NECAB1: variants seen among roughly 807,000 people sequenced by gnomAD.
NECAB1 encodes N-terminal EF-hand calcium binding protein 1, also known as N-terminal EF-hand calcium-binding protein 1.
In NECAB1, 29 loss-of-function variants were observed where a neutral mutation model predicts 57.5. The ratio of observed to expected loss-of-function variants is 0.50; its 90% CI spans 0.38 to 0.69. NECAB1 has a LOEUF of 0.69. Ranked by LOEUF, NECAB1 falls within the 30% of genes least tolerant of loss-of-function variation. The pLI is 0.00. For synonymous variants in NECAB1, 142 were observed against 147.7 expected, an observed-to-expected ratio of 0.96 and a Z score of 0.28; for missense variants, 372 against 413.8, an observed-to-expected ratio of 0.90 and a Z score of 0.88.
chr8:90,830,755 A>C (rs1051010591), intron 3 of NECAB1, among the ~76,000 whole-genome samples: 6 of 152,104 alleles, frequency 3.9e-5, no homozygotes, highest in African/African-American at 1.4e-4. Flanking sequence ...TTTTTGAGAG[A>C]GAGGCATGAT....
intron 2 of NECAB1, among the ~76,000 whole-genome samples, chr8:90,818,745 TG>T (rs1317731594): frequency 1.3e-5 from 2 of 151,976 alleles, no homozygotes; most frequent in Non-Finnish European, 2.9e-5. Context: ...TGATCCTCTT[TG>T]GTACTCTCTG....
chr8:90,845,451 G>A (rs2129756320), intron 3 of NECAB1, among the ~76,000 whole-genome samples: 1 of 152,198 alleles, frequency 6.6e-6, no homozygotes, highest in East Asian at 1.9e-4. Context: ...TTTCACTTGT[G>A]CTAATTAGAA....
intron 3 of NECAB1, among the ~76,000 whole-genome samples, chr8:90,826,119 G>A (rs1812220484): frequency 6.6e-6 from 1 of 151,842 alleles, no homozygotes. Context: ...AAAGAAAGGG[G>A]TGGGGAGAAG....
intron 5 of NECAB1, among the ~76,000 whole-genome samples, chr8:90,902,064 T>C (rs1205855423): frequency 6.6e-6 from 1 of 152,242 alleles, no homozygotes; most frequent in Non-Finnish European, 1.5e-5. Context: ...ACATATTTTA[T>C]TCTTTCTCTT....
intron 1 of NECAB1, among the ~76,000 whole-genome samples, chr8:90,793,967 C>A (rs1257567026): frequency 6.6e-6 from 1 of 152,122 alleles, no homozygotes; most frequent in Non-Finnish European, 1.5e-5. Flanking sequence ...CATCAGGTCC[C>A]TGTACTAAAG....
chr8:90,820,658 T>C (rs1490662677), intron 2 of NECAB1, among the ~76,000 whole-genome samples: 1 of 146,452 alleles, frequency 6.8e-6, no homozygotes, highest in Non-Finnish European at 1.5e-5. Context: ...GAAGGAGACA[T>C]TAAATTACTG....
intron 6 of NECAB1, among the ~76,000 whole-genome samples, chr8:90,918,227 G>A (rs1012535536): frequency 4.6e-5 from 7 of 151,456 alleles, no homozygotes; most frequent in Non-Finnish European, 1.0e-4. Context: ...GATCAGGCTG[G>A]TCTTGAACTC....
intron 3 of NECAB1, among the ~76,000 whole-genome samples, chr8:90,840,599 T>C (rs67320710): frequency 0.32 from 49,274 of 152,156 alleles, 9,245 homozygotes; most frequent in East Asian, 0.73. Flanking sequence ...TAAGTGGAGC[T>C]AATAATATTT....
intron 6 of NECAB1, among the ~76,000 whole-genome samples, chr8:90,920,199 C>T (rs1038547): frequency 0.014 from 2,192 of 152,246 alleles, 160 homozygotes; most frequent in Admixed American, 0.12. Context: ...GACTAAGACA[C>T]CCAGGAATGA....
At chr8:90,932,401 A>G (rs1042945572) in intron 8 of NECAB1, among the ~76,000 whole-genome samples, 1 of 152,184 alleles carries the variant, frequency 6.6e-6, no homozygotes, top group African/African-American at 2.4e-5. Flanking sequence ...TTGGTCTTTG[A>G]AGAGACAGAC....
chr8:90,812,655 C>T (rs1003167416), intron 2 of NECAB1: 3 of 152,004 alleles, frequency 2.0e-5, no homozygotes, highest in African/African-American at 7.2e-5. Context: ...TATTTTTCTA[C>T]CTGATATCTG....
At chr8:90,805,014 G>GT (rs1288225481) in intron 2 of NECAB1, among the ~76,000 whole-genome samples, 2 of 152,178 alleles carry the variant, frequency 1.3e-5, no homozygotes, top group African/African-American at 4.8e-5. Context: ...AGCTTGAGCT[G>GT]TTTTTTCTTC....
chr8:90,957,698 A>G lies in NECAB1; in HGVS notation c.*2186A>G, dbSNP rs1811057134. ...CAAAAAAAAAAAGAAAAAGAAAAAG[A>G]AAAAAGAAAAAAAAAGAAAAAACTG... On this transcript the variant is annotated 3_prime_UTR_variant, in exon 13 of 13. Transcript: ENST00000417640. 6.7e-6 allele frequency: 1 copy of G among 149,738 alleles called. No homozygotes were observed. Among genetic ancestry groups the G allele is most frequent in the Admixed American group, 6.6e-5 (1 of 15,064 alleles). The allele number at this position is 149,738 out of a possible 1,614,324, so 9.3% of individuals were successfully genotyped here.
At chr8:90,878,951 T>A (rs1808779549) in intron 4 of NECAB1, among the ~76,000 whole-genome samples, 1 of 146,400 alleles carries the variant, frequency 6.8e-6, no homozygotes. Context: ...TTCTTATTTA[T>A]CTTCTAACTA....
At chr8:90,954,317 A>G (rs1345578337) in intron 12 of NECAB1, among the ~76,000 whole-genome samples, 3 of 152,108 alleles carry the variant, frequency 2.0e-5, no homozygotes, top group Non-Finnish European at 4.4e-5. Context: ...GCCAGATTGC[A>G]TCCAGATATG....
chr8:90,882,128 C>G (rs1048504114), intron 5 of NECAB1, among the ~76,000 whole-genome samples: 2 of 152,038 alleles, frequency 1.3e-5, no homozygotes, highest in Non-Finnish European at 2.9e-5. Flanking sequence ...ATAATTTAAG[C>G]AGAAATAAAA....
chr8:90,890,438 T>C (rs1809132997), intron 5 of NECAB1, among the ~76,000 whole-genome samples: 1 of 152,204 alleles, frequency 6.6e-6, no homozygotes, highest in Admixed American at 6.5e-5. Flanking sequence ...GTCTTTTCTT[T>C]ATAAATGACT....
At chr8:90,890,279 TGATG>T (rs1384798019) in intron 5 of NECAB1, among the ~76,000 whole-genome samples, 1 of 152,182 alleles carries the variant, frequency 6.6e-6, no homozygotes, top group East Asian at 1.9e-4. Context: ...TCACGAGATC[TGATG>T]GTTTTATAAG....
intron 2 of NECAB1, among the ~76,000 whole-genome samples, chr8:90,808,246 G>A (rs1168814702): frequency 6.6e-6 from 1 of 152,122 alleles, no homozygotes; most frequent in East Asian, 1.9e-4. Flanking sequence ...ACACAGCATA[G>A]ACTTATCCCA....
Sources: gnomAD v4.1 joint callset for allele counts (sites outside exome capture counted in the v4.1 genomes callset) on GRCh38, gnomAD v4.1.1 for gene constraint, MANE v1.5 for transcripts, NCBI Gene and HGNC (gene_info 2026-07-23, HGNC 2026-07-21) for gene names.